EGFR: variants seen among roughly 807,000 people sequenced by gnomAD.
The protein encoded by EGFR is epidermal growth factor receptor.
A neutral mutation model predicts 143.0 loss-of-function variants in EGFR; 58 were observed. That is an observed-to-expected ratio of 0.41 (90% CI 0.33 to 0.50). The LOEUF (loss-of-function observed/expected upper bound fraction) is 0.50, where lower values mean the gene tolerates loss of function less well. Ranked by LOEUF, EGFR falls within the 20% of genes least tolerant of loss-of-function variation. The pLI is 0.39. For synonymous variants in EGFR, 613 were observed against 594.4 expected (o/e 1.03, Z -0.45); for missense variants, 1,307 against 1,579.0 (o/e 0.83, Z 2.92).
Position 55,156,654 on chromosome 7 carries a change from T to C in EGFR, c.1128T>C (p.Phe376=). The C allele has an allele frequency of 6.2e-7, 1 of 1,614,222 alleles. No individual in the cohort carries two copies. Among genetic ancestry groups the C allele is most frequent in the Non-Finnish European group, 8.5e-7 (1 of 1,180,046 alleles). The change falls in exon 9 of 28, where the codon TTT becomes TTC. Residue 376 remains phenylalanine, a synonymous_variant. Transcript: ENST00000275493. ...ATCTCCACATCCTGCCGGTGGCATTTAGGGGGTGAGTCACAGGTTCAGTTG... is the reference window on the plus strand; with the variant it reads ...ATCTCCACATCCTGCCGGTGGCATTCAGGGGGTGAGTCACAGGTTCAGTTG... The part of the protein sequence containing the change: ...SGDLHILPVA[F]RGDSFTHTPP...
intron 1 of EGFR, among the ~76,000 whole-genome samples, chr7:55,124,315 A>G (rs900699883): frequency 6.6e-6 from 1 of 152,200 alleles, no homozygotes; most frequent in African/African-American, 2.4e-5. Context: ...TTGGAGAGGT[A>G]TTTTGGCCAT....
chr7:55,151,657 C>T (rs763080270), intron 5 of EGFR, among the ~76,000 whole-genome samples: 3 of 152,172 alleles, frequency 2.0e-5, no homozygotes, highest in Non-Finnish European at 4.4e-5. Context: ...GGTCGGATCA[C>T]GAGGTCAGGA....
chr7:55,144,205 G>T (rs539525924), intron 3 of EGFR, among the ~76,000 whole-genome samples: 7 of 152,310 alleles, frequency 4.6e-5, no homozygotes, highest in African/African-American at 1.7e-4. Context: ...TATCTGGCTG[G>T]ACCCCGCCGA....
chr7:55,100,229 C>T (rs868401447), intron 1 of EGFR, among the ~76,000 whole-genome samples: 4 of 152,202 alleles, frequency 2.6e-5, no homozygotes, highest in Non-Finnish European at 5.9e-5. Flanking sequence ...ACCTAAACCA[C>T]CCTGGGTCAC....
At chr7:55,131,908 G>C (rs971490657) in intron 1 of EGFR, among the ~76,000 whole-genome samples, 1 of 150,160 alleles carries the variant, frequency 6.7e-6, no homozygotes, top group African/African-American at 2.5e-5. Flanking sequence ...AGAGGTCAAA[G>C]GGACAAGCGC....
chr7:55,034,384 C>CCACCA (rs1787438446), intron 1 of EGFR, among the ~76,000 whole-genome samples: 1 of 152,158 alleles, frequency 6.6e-6, no homozygotes, highest in South Asian at 2.1e-4. Context: ...CAGGTGCCCG[C>CCACCA]CACCACACCT....
At chr7:55,147,558 T>TA (rs1320387461) in intron 4 of EGFR, among the ~76,000 whole-genome samples, 1 of 151,482 alleles carries the variant, frequency 6.6e-6, no homozygotes, top group Non-Finnish European at 1.5e-5. Flanking sequence ...AATCATCAAC[T>TA]ACAGGGCTTT....
chr7:55,157,083 G>A lies in EGFR; in HGVS notation c.1207+251G>A, dbSNP rs1416738326. On this transcript the variant is annotated intron_variant, in intron 10 of 27. Coordinates refer to ENST00000275493, the MANE Select transcript of EGFR (RefSeq NM_005228.5). ...CCCTCCCGCCCGGCCCCAGCCAGCT[G>A]CCTTGGTGGCCCATAACCCCTGAGG... is the stretch of plus-strand genomic sequence containing the variant. 6 of 871,926 alleles carry A rather than the reference G, an allele frequency of 6.9e-6. No individual in the cohort carries two copies. The East Asian group carries it at 1.5e-4, about 22-fold the overall frequency. The allele number at this position is 871,926 out of a possible 1,614,324, so 54.0% of individuals were successfully genotyped here.
At chr7:55,194,435 C>G (rs570650849) in intron 22 of EGFR, among the ~76,000 whole-genome samples, 27 of 152,158 alleles carry the variant, frequency 1.8e-4, no homozygotes, top group African/African-American at 6.5e-4. Context: ...ACTATGTTGG[C>G]CAGGCTGGTC....
At chr7:55,159,993 G>A in intron 11 of EGFR, 146 bp from the exon 12 acceptor site, 2 of 796,262 alleles carry the variant, frequency 2.5e-6, no homozygotes, top group South Asian at 1.6e-5. Flanking sequence ...TTTTCAAAAG[G>A]TGCAGTGTGT....
chr7:55,089,430 T>A (rs2128894026), intron 1 of EGFR, among the ~76,000 whole-genome samples: 1 of 152,334 alleles, frequency 6.6e-6, no homozygotes, highest in East Asian at 1.9e-4. Context: ...TTTGAATAAG[T>A]TTTAATATAT....
rs140028234 is a variant in EGFR, at chr7:55,205,456, G to A, written c.3472G>A (p.Ala1158Thr). The change falls in exon 28 of 28, where the codon GCC becomes ACC. Residue 1158 changes from alanine (A) to threonine (T), a missense_variant. Ala to Thr is a moderately conservative substitution (Grantham distance 58). This residue lies in a region of EGFR where 313 missense variants were observed against 312.3 expected (regional missense o/e 1.00). Transcript: ENST00000275493. ...NSTFDSPAHW[A>T]QKGSHQISLD... ...CACATTCGACAGCCCTGCCCACTGG[G>A]CCCAGAAAGGCAGCCACCAAATTAG... 2.5e-6 allele frequency: 4 copies of A among 1,614,118 alleles called. No individual in the cohort carries two copies. Among genetic ancestry groups the A allele is most frequent in the East Asian group, 2.2e-5 (1 of 44,884 alleles).
chr7:55,125,848 T>C (rs1204230217), intron 1 of EGFR, among the ~76,000 whole-genome samples: 4 of 152,176 alleles, frequency 2.6e-5, no homozygotes, highest in Middle Eastern at 3.2e-3. Flanking sequence ...AAAACACACA[T>C]CTGCACATGT....
At chr7:55,139,505 G>A (rs963071318) in intron 1 of EGFR, among the ~76,000 whole-genome samples, 2 of 152,158 alleles carry the variant, frequency 1.3e-5, no homozygotes, top group African/African-American at 4.8e-5. Flanking sequence ...AAATGCTGCT[G>A]TCTCCTTTTG....
rs1786359673 is a variant in EGFR, at chr7:55,019,212, G to A, written c.-66G>A. ...TCGCCGCCAACGCCACAACCACCGC[G>A]CACGGCCCCCTGACTCCGTCCAGTA... On this transcript the variant is annotated 5_prime_UTR_variant, in exon 1 of 28. Transcript: ENST00000275493. 1.5e-6 allele frequency: 2 copies of A among 1,293,930 alleles called. No individual in the cohort carries two copies. The highest frequency in any genetic ancestry group is 2.1e-6 in the Non-Finnish European group (2 of 965,194). 80.2% of individuals were successfully genotyped at this position (1,293,930 alleles called of 1,614,324 possible).
At chr7:55,171,436 C>T (rs897810991) in intron 16 of EGFR, among the ~76,000 whole-genome samples, 1 of 152,212 alleles carries the variant, frequency 6.6e-6, no homozygotes, top group African/African-American at 2.4e-5. Context: ...GTTGGACACA[C>T]AGTGCTGGGG....
chr7:55,181,236 G>GC, intron 19 of EGFR, 57 bp from the exon 20 acceptor site: 1 of 1,590,232 alleles, frequency 6.3e-7, no homozygotes, highest in Non-Finnish European at 8.6e-7. Flanking sequence ...GGGTCCATGT[G>GC]CCCCTCCTTC....
At chr7:55,061,041 G>C (rs1464957095) in intron 1 of EGFR, among the ~76,000 whole-genome samples, 2 of 152,222 alleles carry the variant, frequency 1.3e-5, no homozygotes, top group Non-Finnish European at 2.9e-5. Context: ...CTGCTTAAAT[G>C]AGGTGCAAAC....
intron 1 of EGFR, among the ~76,000 whole-genome samples, chr7:55,136,294 T>A (rs1325242887): frequency 6.6e-6 from 1 of 152,208 alleles, no homozygotes; most frequent in Non-Finnish European, 1.5e-5. Context: ...TCCTCTGGCC[T>A]TTAAAGCCTA....
Sources: gnomAD v4.1 joint callset for allele counts (sites outside exome capture counted in the v4.1 genomes callset) on GRCh38, gnomAD v4.1.1 for gene constraint, gnomAD v4.1.1 regional missense constraint, MANE v1.5 for transcripts, NCBI Gene and HGNC (gene_info 2026-07-23, HGNC 2026-07-21) for gene names.